AMPH: variants seen among roughly 807,000 people sequenced by gnomAD.
AMPH encodes the protein amphiphysin (Stiff-Mann syndrome with breast cancer 128kD autoantigen).
Under a neutral mutation model 99.1 loss-of-function variants are expected in AMPH, and 49 were observed. That is an observed-to-expected ratio of 0.49 (90% CI 0.39 to 0.63). The LOEUF (loss-of-function observed/expected upper bound fraction) is 0.63. AMPH is among the 20% of genes least tolerant of loss of function. The pLI is 0.00. For synonymous variants in AMPH, 314 were observed against 317.3 expected (o/e 0.99, Z 0.11); for missense variants, 759 against 863.4 (o/e 0.88, Z 1.52).
chr7:38,611,278 A>G (rs867030396), intron 1 of AMPH, among the ~76,000 whole-genome samples: 1 of 152,332 alleles, frequency 6.6e-6, no homozygotes, highest in Middle Eastern at 3.4e-3. Context: ...AGAATCAAAG[A>G]GTAGAATGAT....
intron 14 of AMPH, chr7:38,429,598 CA>C: frequency 6.9e-7 from 1 of 1,440,120 alleles, no homozygotes; most frequent in Non-Finnish European, 9.1e-7. Context: ...TGCAGAAGAG[CA>C]AAGGAAAAAA....
intron 17 of AMPH, among the ~76,000 whole-genome samples, chr7:38,394,570 T>C (rs1784610046): frequency 6.6e-6 from 1 of 152,158 alleles, no homozygotes; most frequent in South Asian, 2.1e-4. Flanking sequence ...AAATGAGGCC[T>C]TAGGGGAGTG....
intron 7 of AMPH, among the ~76,000 whole-genome samples, chr7:38,469,926 C>T (rs1294108816): frequency 6.6e-6 from 1 of 152,192 alleles, no homozygotes; most frequent in African/African-American, 2.4e-5. Context: ...CACCCACTAA[C>T]CTAATTTCCT....
At chr7:38,563,319 T>C (rs1791621933) in intron 1 of AMPH, among the ~76,000 whole-genome samples, 1 of 152,198 alleles carries the variant, frequency 6.6e-6, no homozygotes, top group Non-Finnish European at 1.5e-5. Context: ...TATTCTCAAA[T>C]ACTATTCTCA....
intron 1 of AMPH, among the ~76,000 whole-genome samples, chr7:38,623,962 C>A (rs112751559): frequency 0.013 from 2,018 of 152,256 alleles, 54 homozygotes; most frequent in African/African-American, 0.047. Context: ...CATGATTCAG[C>A]CTAATATTTA....
chr7:38,422,632 A>C (rs1488618324), intron 15 of AMPH, among the ~76,000 whole-genome samples, 155 bp from the exon 16 acceptor site: 1 of 148,500 alleles, frequency 6.7e-6, no homozygotes, highest in Non-Finnish European at 1.5e-5. Context: ...TATCTATCTA[A>C]TTTTTTTTTG....
intron 15 of AMPH, 77 bp from the exon 16 acceptor site, chr7:38,422,554 G>GTATCTACC: frequency 3.8e-6 from 3 of 784,524 alleles, no homozygotes; most frequent in Non-Finnish European, 6.2e-6. Context: ...GTCTGCCTAC[G>GTATCTACC]TATCTATCTA....
chr7:38,613,549 C>T (rs967093324), intron 1 of AMPH, among the ~76,000 whole-genome samples: 3 of 152,146 alleles, frequency 2.0e-5, no homozygotes, highest in African/African-American at 7.2e-5. Flanking sequence ...GCTCATTATC[C>T]GCTGTTCTGA....
At chr7:38,457,283 A>G (rs1369893764) in intron 11 of AMPH, among the ~76,000 whole-genome samples, 2 of 152,244 alleles carry the variant, frequency 1.3e-5, no homozygotes, top group African/African-American at 4.8e-5. Context: ...GCTCAGTGAG[A>G]TACAAGAAAA....
chr7:38,581,732 A>T (rs1792473422), intron 1 of AMPH, among the ~76,000 whole-genome samples: 1 of 152,146 alleles, frequency 6.6e-6, no homozygotes, highest in Admixed American at 6.6e-5. Flanking sequence ...AGGTGTAAAA[A>T]TGGTAGCATT....
At chr7:38,415,063 G>A (rs993640669) in intron 17 of AMPH, among the ~76,000 whole-genome samples, 1 of 152,046 alleles carries the variant, frequency 6.6e-6, no homozygotes, top group South Asian at 2.1e-4. Context: ...AATGCATCCT[G>A]TAGACATACC....
At chr7:38,440,601 A>C (rs1219330993) in intron 11 of AMPH, among the ~76,000 whole-genome samples, 1 of 152,212 alleles carries the variant, frequency 6.6e-6, no homozygotes, top group African/African-American at 2.4e-5. Flanking sequence ...AAACGTAGAT[A>C]AACTAAAATC....
At chr7:38,618,246 C>T (rs1258603675) in intron 1 of AMPH, among the ~76,000 whole-genome samples, 1 of 151,860 alleles carries the variant, frequency 6.6e-6, no homozygotes, top group African/African-American at 2.4e-5. Context: ...GGCGCGGTGG[C>T]TCACACCTAT....
At chr7:38,461,168 A>G (rs1481071238) in intron 11 of AMPH, 115 bp downstream of exon 11, 11 of 1,213,634 alleles carry the variant, frequency 9.1e-6, no homozygotes, top group African/African-American at 3.0e-5. Flanking sequence ...AGCCTGAATG[A>G]CAATTAAAAT....
At chr7:38,570,701 G>A (rs931720065) in intron 1 of AMPH, among the ~76,000 whole-genome samples, 5 of 133,374 alleles carry the variant, frequency 3.7e-5, no homozygotes, top group African/African-American at 1.1e-4. Context: ...AATTCCCATC[G>A]ATTAAAAAAA....
At chr7:38,452,041 A>G (rs1400176940) in intron 11 of AMPH, among the ~76,000 whole-genome samples, 1 of 152,176 alleles carries the variant, frequency 6.6e-6, no homozygotes, top group Non-Finnish European at 1.5e-5. Context: ...CTCCAGATCT[A>G]ATGGATTTCT....
intron 17 of AMPH, among the ~76,000 whole-genome samples, chr7:38,415,656 C>A (rs1251221808): frequency 6.6e-6 from 1 of 152,058 alleles, no homozygotes; most frequent in Non-Finnish European, 1.5e-5. Flanking sequence ...CAAGTATGTC[C>A]ATGTTAAAAA....
chr7:38,466,095 T>C, intron 8 of AMPH, 78 bp downstream of exon 8: 1 of 1,139,632 alleles, frequency 8.8e-7, no homozygotes, highest in Non-Finnish European at 1.3e-6. Flanking sequence ...TGGATAATTC[T>C]ATCCCATTTC....
intron 11 of AMPH, among the ~76,000 whole-genome samples, chr7:38,458,392 A>C (rs934100142): frequency 6.6e-6 from 1 of 152,106 alleles, no homozygotes; most frequent in East Asian, 1.9e-4. Flanking sequence ...AAAACCAAAC[A>C]AAAACACCAA....
Sources: allele counts gnomAD v4.1 joint callset (sites outside exome capture counted in the v4.1 genomes callset), GRCh38; gene constraint gnomAD v4.1.1; transcripts MANE v1.5; gene names NCBI Gene and HGNC (gene_info 2026-07-23, HGNC 2026-07-21).